SIM2: variants seen among roughly 807,000 people sequenced by gnomAD.
SIM2 encodes SIM bHLH transcription factor 2.
A neutral mutation model predicts 64.8 loss-of-function variants in SIM2; 28 were observed. The observed-to-expected ratio is 0.43, with a 90% confidence interval of 0.32 to 0.59. The LOEUF is 0.59. Among genes scored for constraint, SIM2 ranks in the 20% least tolerant of loss-of-function variants. The probability of loss-of-function intolerance (pLI) is 0.07; values close to 1 mark genes in which losing one functional copy is unlikely to be tolerated. For synonymous variants in SIM2, 408 were observed against 391.1 expected (o/e 1.04, Z -0.51); for missense variants, 847 against 871.4 (o/e 0.97, Z 0.35).
intron 1 of SIM2, among the ~76,000 whole-genome samples, chr21:36,702,931 T>C (rs2088523684): frequency 1.1e-5 from 1 of 88,030 alleles, no homozygotes; most frequent in Non-Finnish European, 2.2e-5. Flanking sequence ...AGCTTAGGAC[T>C]CTGGGAGGAA....
At position 36,745,891 on chromosome 21, in the gene SIM2, G is replaced by T; in HGVS notation, c.1576+755G>T. On this transcript the variant is annotated intron_variant, in intron 10 of 10. Coordinates refer to ENST00000290399, the MANE Select transcript of SIM2 (RefSeq NM_005069.6). The surrounding 1 kb of genome is among the most constrained non-coding windows in gnomAD (Gnocchi z 4.8). ...ACCAACCCCAGGCAGAAGGTGGAAG[G>T]TGGGAACAGAGGTTTAGCTGCAGGA... is the stretch of plus-strand genomic sequence containing the variant. 4 of 1,299,740 alleles carry T rather than the reference G, an allele frequency of 3.1e-6. No homozygotes were observed. The highest frequency in any genetic ancestry group is 4.1e-6 in the Non-Finnish European group (4 of 986,038). 80.5% of individuals were successfully genotyped at this position (1,299,740 alleles called of 1,614,324 possible). A position where few individuals can be genotyped will look rare whatever the true frequency, so the allele number is the denominator to read the frequency against.
chr21:36,732,960 C>T (rs1168571145), intron 7 of SIM2, among the ~76,000 whole-genome samples: 3 of 152,166 alleles, frequency 2.0e-5, no homozygotes, highest in Admixed American at 6.5e-5. Flanking sequence ...TGCCCTAGAA[C>T]AGTCTGGGAC....
Position 36,723,134 on chromosome 21 carries a change from CG to C in SIM2, c.543+8del. The stretch of plus-strand genomic sequence containing the variant: ...CCTGACCTGCAGCGGATACAAGGTA[CG>C]GGGAGTCATGGGTGCGGGGAGGAGC... On this transcript the variant is annotated splice_donor_5th_base_variant and intron_variant, in intron 5 of 10. Transcript: ENST00000290399. 1.2e-6 allele frequency: 2 copies of C among 1,612,762 alleles called. No individual in the cohort carries two copies. Among genetic ancestry groups the C allele is most frequent in the Middle Eastern group, 1.7e-4 (1 of 6,040 alleles).
Position 36,725,394 on chromosome 21 carries a change from G to A in SIM2, c.544-725G>A, listed in dbSNP as rs541121070. Reference sequence around the variant, plus strand: ...TGTTTATTTACTGGTACAGCGTGTCGAGTGATACAGATGCCAAGTTCAATC... The same window carrying A: ...TGTTTATTTACTGGTACAGCGTGTCAAGTGATACAGATGCCAAGTTCAATC... On this transcript the variant is annotated intron_variant, in intron 5 of 10. Transcript: ENST00000290399. Among the ~76,000 whole-genome samples the A allele has an allele frequency of 7.9e-5, 12 of 152,234 alleles. No individual in the cohort carries two copies. The South Asian group carries it at 1.9e-3, about 24-fold the overall frequency.
At chr21:36,741,168 C>T (rs1045305969) in intron 7 of SIM2, among the ~76,000 whole-genome samples, 2 of 152,152 alleles carry the variant, frequency 1.3e-5, no homozygotes, top group Non-Finnish European at 2.9e-5. Flanking sequence ...AATTAATGGG[C>T]CCAAGGAAAA....
At chr21:36,708,268 G>C (rs1437185232) in intron 1 of SIM2, among the ~76,000 whole-genome samples, 2 of 152,198 alleles carry the variant, frequency 1.3e-5, no homozygotes, top group Admixed American at 1.3e-4. Flanking sequence ...CTGCTTCCTC[G>C]GACTGTGCAG....
chr21:36,709,117 G>A, intron 1 of SIM2, 51 bp from the exon 2 acceptor site: 1 of 1,508,848 alleles, frequency 6.6e-7, no homozygotes, highest in Non-Finnish European at 9.0e-7. Flanking sequence ...CGGCTCCCAG[G>A]CATCGGGCTG....
intron 1 of SIM2, among the ~76,000 whole-genome samples, chr21:36,704,380 A>G (rs1408761893): frequency 1.3e-5 from 2 of 152,288 alleles, no homozygotes; most frequent in South Asian, 4.1e-4. Context: ...GTTTAGCAGA[A>G]CAACGTAGAT....
In SIM2 at chr21:36,712,543, G is replaced by C. The variant is rs2088691296; in HGVS notation, c.269G>C (p.Gly90Ala). 6.2e-7 allele frequency: 1 copy of C among 1,610,006 alleles called. No homozygotes were observed. Among genetic ancestry groups the C allele is most frequent in the South Asian group, 1.1e-5 (1 of 90,936 alleles). Reference protein sequence around the residue: ...LGSHLLQTLDGFVFVVASDGK... With the variant: ...LGSHLLQTLDAFVFVVASDGK... The stretch of plus-strand genomic sequence containing the variant: ...CTTTATCTTTTACAGACTTTGGATG[G>C]ATTTGTTTTTGTGGTAGCATCTGAT... Residue 90 changes from glycine to alanine, a missense_variant, in exon 3 of 11, where the codon GGA (glycine) becomes GCA (alanine). Around this residue, in one of 3 missense-constraint regions of SIM2, gnomAD observed 397 missense variants for 439.2 expected, o/e 0.90. Coordinates refer to ENST00000290399, the MANE Select transcript of SIM2 (RefSeq NM_005069.6).
intron 6 of SIM2, among the ~76,000 whole-genome samples, chr21:36,730,284 C>T (rs2088948972): frequency 1.3e-5 from 2 of 152,182 alleles, no homozygotes; most frequent in Non-Finnish European, 2.9e-5. Context: ...AAAACAGAAA[C>T]GTATTCAGTC....
At position 36,741,578 on chromosome 21, in the gene SIM2, G is replaced by A. The variant is rs529821385; in HGVS notation, c.851-139G>A. 78 of 890,696 alleles carry A rather than the reference G, an allele frequency of 8.8e-5. No homozygotes were observed. In the East Asian group the frequency reaches 1.9e-3, roughly 22 times the overall value. 55.2% of individuals were successfully genotyped at this position (890,696 alleles called of 1,614,324 possible). A position where few individuals can be genotyped will look rare whatever the true frequency, so the allele number is the denominator to read the frequency against. ...GCACGCACGAGACGCACACAGACAT[G>A]CACCCTCCAGCGGAGAAAGCCCGCC... On this transcript the variant is annotated intron_variant, in intron 7 of 10. Coordinates refer to ENST00000290399, the MANE Select transcript of SIM2 (RefSeq NM_005069.6).
At position 36,726,395 on chromosome 21, in the gene SIM2, C is replaced by T; in HGVS notation, c.743+77C>T. The stretch of plus-strand genomic sequence containing the variant: ...GTGGAAATGGGTCCCTGAAAGCTGC[C>T]ATCTTGGCCAAATCATAACAAGGAA... On this transcript the variant is annotated intron_variant, in intron 6 of 10. Coordinates refer to ENST00000290399, the MANE Select transcript of SIM2 (RefSeq NM_005069.6). This position sits in a 1 kb window ranked among gnomAD's most constrained non-coding sequence, Gnocchi z 4.5. The T allele has an allele frequency of 7.0e-6, 9 of 1,285,014 alleles. No homozygotes were observed. Among genetic ancestry groups the T allele is most frequent in the Non-Finnish European group, 9.8e-6 (9 of 916,318 alleles). 79.6% of individuals were successfully genotyped at this position (1,285,014 alleles called of 1,614,324 possible).
intron 7 of SIM2, among the ~76,000 whole-genome samples, chr21:36,735,575 C>CG (rs2089034114): frequency 0.016 from 1 of 62 alleles, no homozygotes; most frequent in Admixed American, 0.5. Context: ...ATAGCTGCTG[C>CG]TCTCCTCTTG....
At chr21:36,722,186 G>A (rs1350078721) in intron 4 of SIM2, among the ~76,000 whole-genome samples, 1 of 152,174 alleles carries the variant, frequency 6.6e-6, no homozygotes, top group Non-Finnish European at 1.5e-5. Flanking sequence ...TCTGGAAATG[G>A]CTGGGGCAGG....
At chr21:36,707,060 C>A (rs935864458) in intron 1 of SIM2, among the ~76,000 whole-genome samples, 2 of 152,180 alleles carry the variant, frequency 1.3e-5, no homozygotes, top group African/African-American at 4.8e-5. Flanking sequence ...AGTCTTCCCG[C>A]CATGGGCTTT....
intron 7 of SIM2, among the ~76,000 whole-genome samples, chr21:36,733,607 T>C (rs1443148939): frequency 6.7e-6 from 1 of 150,194 alleles, no homozygotes; most frequent in African/African-American, 2.5e-5. Flanking sequence ...TCACCCAAGC[T>C]GGAGTGCAGT....
At chr21:36,742,002 T>C in intron 8 of SIM2, 138 bp downstream of exon 8, 2 of 495,406 alleles carry the variant, frequency 4.0e-6, no homozygotes, top group Non-Finnish European at 5.7e-6. Flanking sequence ...TTTTTTTTAA[T>C]TTTTTTTTTT....
chr21:36,707,987 G>C (rs892885217), intron 1 of SIM2, among the ~76,000 whole-genome samples: 1 of 152,348 alleles, frequency 6.6e-6, no homozygotes, highest in South Asian at 2.1e-4. Flanking sequence ...GGGTTGGGGC[G>C]GGGGACGCGC....
intron 1 of SIM2, among the ~76,000 whole-genome samples, chr21:36,708,806 G>T (rs1008529626): frequency 1.1e-4 from 16 of 152,344 alleles, no homozygotes; most frequent in African/African-American, 3.8e-4. Context: ...TCCCCGTTTG[G>T]CCACGAGAAT....
Sources: gnomAD v4.1 joint callset for allele counts (sites outside exome capture counted in the v4.1 genomes callset) on GRCh38, gnomAD v4.1.1 for gene constraint, gnomAD v4.1.1 regional missense constraint, Gnocchi (gnomAD v3.1) non-coding constraint, MANE v1.5 for transcripts, NCBI Gene and HGNC (gene_info 2026-07-23, HGNC 2026-07-21) for gene names.